The following GRIK2 variants were observed in gnomAD, a reference collection of about 807,000 sequenced individuals.
GRIK2 encodes glutamate ionotropic receptor kainate type subunit 2.
Under a neutral mutation model 100.3 loss-of-function variants are expected in GRIK2, and 32 were observed. The ratio of observed to expected loss-of-function variants is 0.32; its 90% CI spans 0.24 to 0.43. The LOEUF (loss-of-function observed/expected upper bound fraction) is 0.43, where lower values mean the gene tolerates loss of function less well. Among genes scored for constraint, GRIK2 ranks in the 20% least tolerant of loss-of-function variants. The pLI is 1.00. For synonymous variants in GRIK2, 417 were observed against 389.4 expected, an observed-to-expected ratio of 1.07 and a Z score of -0.83; for missense variants, 843 against 1,114.9, an observed-to-expected ratio of 0.76 and a Z score of 3.47.
rs1442427637 is a variant in GRIK2, at chr6:101,412,131, A to G, written c.115+12739A>G. On this transcript the variant is annotated intron_variant, in intron 2 of 16. Transcript: ENST00000369134. ...CATGGCACCCCCATTCCCATCCCTAATGCTCTGATTATACTCTCTGGACCT... is the reference window on the plus strand; with the variant it reads ...CATGGCACCCCCATTCCCATCCCTAGTGCTCTGATTATACTCTCTGGACCT... 1.3e-4 allele frequency among the ~76,000 whole-genome samples: 19 copies of G among 151,926 alleles called. 1 individual carries two copies.
chr6:101,874,532 A>T (rs1034076030), intron 11 of GRIK2, among the ~76,000 whole-genome samples: 5 of 152,160 alleles, frequency 3.3e-5, no homozygotes, highest in African/African-American at 1.2e-4. Flanking sequence ...AGGTAGCATG[A>T]TGCCTCCAGC....
intron 11 of GRIK2, among the ~76,000 whole-genome samples, chr6:101,873,498 A>T (rs1300889257): frequency 3.3e-5 from 5 of 151,992 alleles, no homozygotes; most frequent in East Asian, 3.9e-4. Flanking sequence ...TCTATCATTG[A>T]TGGACATTTG....
intron 7 of GRIK2, among the ~76,000 whole-genome samples, chr6:101,724,025 C>T (rs1183355097): frequency 6.6e-6 from 1 of 151,530 alleles, no homozygotes; most frequent in Non-Finnish European, 1.5e-5. Context: ...GTAGACTAGC[C>T]ATATTTATCT....
At chr6:101,866,758 A>G (rs1785073681) in intron 11 of GRIK2, among the ~76,000 whole-genome samples, 1 of 151,054 alleles carries the variant, frequency 6.6e-6, no homozygotes, top group Non-Finnish European at 1.5e-5. Flanking sequence ...TTTTCTCCAT[A>G]TTTATAGGCT....
intron 2 of GRIK2, among the ~76,000 whole-genome samples, chr6:101,488,189 A>T (rs1772925009): frequency 6.8e-6 from 1 of 146,742 alleles, no homozygotes; most frequent in Non-Finnish European, 1.5e-5. Flanking sequence ...TTATTTAACC[A>T]AATTATTCTG....
At chr6:101,858,386 C>CTTTTTTTTTTTT (rs780526806) in intron 10 of GRIK2, among the ~76,000 whole-genome samples, 13 of 91,662 alleles carry the variant, frequency 1.4e-4, no homozygotes, top group Non-Finnish European at 2.5e-4. Flanking sequence ...ATTTTTTTTT[C>CTTTTTTTTTTTT]TTTTTTTTTT....
chr6:101,804,564 A>G (rs1411290022), intron 9 of GRIK2, among the ~76,000 whole-genome samples: 1 of 152,030 alleles, frequency 6.6e-6, no homozygotes, highest in Non-Finnish European at 1.5e-5. Flanking sequence ...CATTTGGACT[A>G]TGTTTTTAAG....
intron 4 of GRIK2, among the ~76,000 whole-genome samples, chr6:101,627,987 A>G (rs1318839987): frequency 6.6e-6 from 1 of 152,200 alleles, no homozygotes; most frequent in Non-Finnish European, 1.5e-5. Flanking sequence ...GTGATAATTA[A>G]TTTTACTTTA....
intron 7 of GRIK2, among the ~76,000 whole-genome samples, chr6:101,797,173 T>G (rs1780359964): frequency 6.7e-6 from 1 of 150,092 alleles, no homozygotes; most frequent in Non-Finnish European, 1.5e-5. Flanking sequence ...GATCAACATT[T>G]TTATCTTGGC....
intron 12 of GRIK2, among the ~76,000 whole-genome samples, chr6:101,905,862 G>T (rs77224326): frequency 0.093 from 14,094 of 151,176 alleles, 821 homozygotes; most frequent in Middle Eastern, 0.18. Flanking sequence ...AATAAAAAAT[G>T]GAATTTTTAT....
intron 12 of GRIK2, among the ~76,000 whole-genome samples, chr6:101,906,644 A>C (rs1013883742): frequency 6.6e-6 from 1 of 151,764 alleles, no homozygotes; most frequent in Non-Finnish European, 1.5e-5. Context: ...GAAGTAGTTA[A>C]TAAGAATGGA....
rs1772133512 is a variant in GRIK2, at chr6:102,068,684, T to C, written c.*173T>C. On this transcript the variant is annotated 3_prime_UTR_variant, in exon 17 of 17. Transcript: ENST00000369134. ...AAGCAGTTGCAATGATCAGACTTGATTTACAAGCATCATGGATCAACCAAG... is the reference window on the plus strand; with the variant it reads ...AAGCAGTTGCAATGATCAGACTTGACTTACAAGCATCATGGATCAACCAAG... The C allele has an allele frequency of 5.2e-6, 3 of 578,420 alleles. No homozygotes were observed. The highest frequency in any genetic ancestry group is 4.7e-4 in the Middle Eastern group (1 of 2,132). The allele number at this position is 578,420 out of a possible 1,614,324, so 35.8% of individuals were successfully genotyped here.
chr6:101,406,605 G>T (rs1478675641), intron 2 of GRIK2, among the ~76,000 whole-genome samples: 2 of 152,084 alleles, frequency 1.3e-5, no homozygotes, highest in East Asian at 1.9e-4. Context: ...TATTAGGATC[G>T]ATCGATACTG....
chr6:101,794,433 A>C (rs1422090105), intron 7 of GRIK2, among the ~76,000 whole-genome samples: 3 of 151,940 alleles, frequency 2.0e-5, no homozygotes, highest in Non-Finnish European at 4.4e-5. Context: ...ATATCTTTCA[A>C]ATGAACACCT....
At chr6:102,049,129 G>A (rs1771046267) in intron 15 of GRIK2, among the ~76,000 whole-genome samples, 1 of 151,960 alleles carries the variant, frequency 6.6e-6, no homozygotes. Flanking sequence ...AGCCAGTTGT[G>A]GAACTGTGTT....
At chr6:101,554,049 T>G (rs759881973) in intron 2 of GRIK2, among the ~76,000 whole-genome samples, 2 of 152,194 alleles carry the variant, frequency 1.3e-5, no homozygotes, top group Non-Finnish European at 1.5e-5. Flanking sequence ...AACACATGCT[T>G]CTATATGTGA....
At chr6:101,557,489 A>G (rs1460054147) in intron 2 of GRIK2, among the ~76,000 whole-genome samples, 3 of 152,194 alleles carry the variant, frequency 2.0e-5, no homozygotes, top group African/African-American at 7.2e-5. Flanking sequence ...TTATTTTGCT[A>G]CTTAACCACA....
intron 7 of GRIK2, among the ~76,000 whole-genome samples, chr6:101,744,189 G>C (rs11156147): frequency 1.3e-5 from 2 of 151,594 alleles, no homozygotes; most frequent in Non-Finnish European, 2.9e-5. Context: ...TGATCCGCCC[G>C]CCTCGGCCTC....
chr6:101,874,637 G>A (rs1277865709), intron 11 of GRIK2, among the ~76,000 whole-genome samples: 1 of 152,140 alleles, frequency 6.6e-6, no homozygotes, highest in East Asian at 1.9e-4. Context: ...TGTGAAGAAA[G>A]TCATTGGTAG....
Sources: allele counts gnomAD v4.1 joint callset (sites outside exome capture counted in the v4.1 genomes callset), GRCh38; gene constraint gnomAD v4.1.1; transcripts MANE v1.5; gene names NCBI Gene and HGNC (gene_info 2026-07-23, HGNC 2026-07-21).